The following MEGF10 variants were observed in gnomAD, a reference collection of about 807,000 sequenced individuals.
MEGF10 encodes multiple epidermal growth factor-like domains protein 10.
In MEGF10, 86 loss-of-function variants were observed where a neutral mutation model predicts 147.5. The observed-to-expected ratio is 0.58, with a 90% CI of 0.49 to 0.70. MEGF10 has a LOEUF of 0.70. MEGF10 is among the 30% of genes least tolerant of loss of function. The pLI, the probability that MEGF10 is intolerant of heterozygous loss-of-function variation, is 0.00. For missense variants in MEGF10, 1,329 were observed against 1,487.3 expected (o/e 0.89, Z 1.75); for synonymous variants, 478 against 525.5 (o/e 0.91, Z 1.24).
At chr5:127,304,992 G>A (rs537736939) in intron 1 of MEGF10, among the ~76,000 whole-genome samples, 4 of 152,178 alleles carry the variant, frequency 2.6e-5, no homozygotes, top group Admixed American at 6.5e-5. Flanking sequence ...CTGAGCAGAC[G>A]AAAACATTAA....
In MEGF10 at chr5:127,448,332, C is replaced by T. The variant is rs148797079; in HGVS notation, c.2856+648C>T. ...TATAAATCAAGAGTGATTATTATGCCGATTTTACAGATGAGGAAACTGAGT... is the reference window on the plus strand; with the variant it reads ...TATAAATCAAGAGTGATTATTATGCTGATTTTACAGATGAGGAAACTGAGT... On this transcript the variant is annotated intron_variant, in intron 21 of 24. Coordinates refer to ENST00000503335, the MANE Select transcript of MEGF10 (RefSeq NM_001256545.2). 2.4e-3 allele frequency among the ~76,000 whole-genome samples: 363 copies of T among 152,166 alleles called. 1 individual carries two copies. The highest frequency in any genetic ancestry group is 7.9e-3 in the African/African-American group (329 of 41,518).
At chr5:127,445,418 A>T in intron 19 of MEGF10, 39 bp from the exon 20 acceptor site, 1 of 1,497,922 alleles carries the variant, frequency 6.7e-7, no homozygotes, top group Non-Finnish European at 9.3e-7. Context: ...TTTATCCAGC[A>T]CATTGTCATC....
intron 6 of MEGF10, 74 bp from the exon 7 acceptor site, chr5:127,398,602 C>T (rs1478864062): frequency 3.2e-6 from 5 of 1,581,352 alleles, no homozygotes; most frequent in Non-Finnish European, 3.5e-6. Context: ...ATTTTGGGGA[C>T]CCTGGGTACA....
chr5:127,271,330 A>G, the MEGF10 span, among the ~76,000 whole-genome samples: 1 of 151,576 alleles, frequency 6.6e-6, no homozygotes, highest in East Asian at 1.9e-4. Context: ...GCTTTTTTAA[A>G]TATGTTTGTT....
intron 5 of MEGF10, among the ~76,000 whole-genome samples, chr5:127,388,429 G>A (rs903723537): frequency 2.6e-5 from 4 of 151,042 alleles, no homozygotes; most frequent in Non-Finnish European, 4.4e-5. Context: ...AATTACAAGC[G>A]TAAGCCACCA....
chr5:127,354,557 GAT>G (rs1282957271), intron 4 of MEGF10, among the ~76,000 whole-genome samples: 1 of 152,162 alleles, frequency 6.6e-6, no homozygotes, highest in Non-Finnish European at 1.5e-5. Flanking sequence ...TCTGCCACGG[GAT>G]TGGAGTGGCA....
intron 13 of MEGF10, among the ~76,000 whole-genome samples, chr5:127,423,168 C>G (rs138416690): frequency 6.6e-6 from 1 of 152,152 alleles, no homozygotes; most frequent in Non-Finnish European, 1.5e-5. Context: ...GGTGAATATG[C>G]ATATGCATAT....
At chr5:127,332,740 T>C (rs1464112561) in intron 2 of MEGF10, among the ~76,000 whole-genome samples, 1 of 152,140 alleles carries the variant, frequency 6.6e-6, no homozygotes, top group African/African-American at 2.4e-5. Context: ...TTTATAATAT[T>C]TACAGCACCT....
At chr5:127,270,037 A>G in the MEGF10 span, among the ~76,000 whole-genome samples, 2 of 151,634 alleles carry the variant, frequency 1.3e-5, no homozygotes, top group Non-Finnish European at 2.9e-5. Flanking sequence ...AATGCTGAGA[A>G]ATTTTGTCAC....
the MEGF10 span, among the ~76,000 whole-genome samples, chr5:127,237,062 G>A: frequency 1.2e-4 from 18 of 152,244 alleles, no homozygotes; most frequent in African/African-American, 3.4e-4. Context: ...AAATGTCTGC[G>A]TTTTCCTTGA....
At chr5:127,264,765 G>A in the MEGF10 span, among the ~76,000 whole-genome samples, 7 of 152,048 alleles carry the variant, frequency 4.6e-5, no homozygotes, top group African/African-American at 1.2e-4. Context: ...AAGAAAAAGG[G>A]TAGCTGCTTC....
chr5:127,300,099 T>A (rs1759703884), intron 1 of MEGF10: 1 of 152,198 alleles, frequency 6.6e-6, no homozygotes. Flanking sequence ...TCTGTTACAG[T>A]TTGTTTCTTC....
At chr5:127,248,263 T>G in the MEGF10 span, among the ~76,000 whole-genome samples, 1 of 152,038 alleles carries the variant, frequency 6.6e-6, no homozygotes, top group Non-Finnish European at 1.5e-5. Flanking sequence ...ATATTATACT[T>G]TTAAAAGGGA....
At chr5:127,288,176 C>T (rs749078359), upstream of MEGF10, among the ~76,000 whole-genome samples, 20 of 151,898 alleles carry the variant, frequency 1.3e-4, no homozygotes, top group Non-Finnish European at 7.4e-5. Context: ...TCTTCATGAC[C>T]TTGGGGTAAG....
chr5:127,320,057 C>T (rs246887), intron 1 of MEGF10, among the ~76,000 whole-genome samples: 74,253 of 152,024 alleles, frequency 0.49, 19,046 homozygotes, highest in Middle Eastern at 0.62. Context: ...ACACAAAAGT[C>T]GATGAATCTT....
chr5:127,257,647 C>T, the MEGF10 span, among the ~76,000 whole-genome samples: 1 of 152,100 alleles, frequency 6.6e-6, no homozygotes, highest in African/African-American at 2.4e-5. Context: ...GTTTATTTTG[C>T]CAAGGTTAGG....
At chr5:127,244,195 C>CAAAAAAA in the MEGF10 span, among the ~76,000 whole-genome samples, 1 of 70,600 alleles carries the variant, frequency 1.4e-5, no homozygotes, top group African/African-American at 5.8e-5. Flanking sequence ...AAACTCTGTC[C>CAAAAAAA]AAAAAAAAAA....
chr5:127,430,028 A>G (rs970430575), intron 13 of MEGF10, among the ~76,000 whole-genome samples: 5 of 151,946 alleles, frequency 3.3e-5, no homozygotes, highest in Admixed American at 3.3e-4. Flanking sequence ...TGCAATTCCC[A>G]AAGGACAGAC....
In MEGF10 at chr5:127,454,410, G is replaced by T. The variant is rs371380179; in HGVS notation, c.2981-156G>T. Among the ~76,000 whole-genome samples, 98 of 152,264 alleles carry T rather than the reference G, an allele frequency of 6.4e-4. 1 individual carries two copies. In the South Asian group the frequency reaches 0.019, roughly 30 times the overall value. ...TGTGTGTTTAATTCTAGGCACTGGG[G>T]ACATCTGGGACAACTGATCTGGTGT... On this transcript the variant is annotated intron_variant, in intron 22 of 24. Transcript: ENST00000503335.
Sources: gnomAD v4.1 joint callset for allele counts (sites outside exome capture counted in the v4.1 genomes callset) on GRCh38, gnomAD v4.1.1 for gene constraint, MANE v1.5 for transcripts, NCBI Gene and HGNC (gene_info 2026-07-23, HGNC 2026-07-21) for gene names.